MTHFS: variants seen among roughly 807,000 people sequenced by gnomAD.
MTHFS encodes the protein 5-formyltetrahydrofolate cyclo-ligase.
A neutral mutation model predicts 12.7 loss-of-function variants in MTHFS; 7 were observed. That is an observed-to-expected ratio of 0.55 (90% CI 0.31 to 1.03). The LOEUF (loss-of-function observed/expected upper bound fraction) is 1.03, where lower values mean the gene tolerates loss of function less well. MTHFS is among the 50% of genes least tolerant of loss of function. The pLI is 0.05. For synonymous variants in MTHFS, 100 were observed against 97.1 expected, an observed-to-expected ratio of 1.03 and a Z score of -0.18; for missense variants, 252 against 258.1, an observed-to-expected ratio of 0.98 and a Z score of 0.16.
At chr15:79,867,389 G>T (rs1366753791) in intron 2 of MTHFS, among the ~76,000 whole-genome samples, 1 of 151,816 alleles carries the variant, frequency 6.6e-6, no homozygotes, top group Admixed American at 6.6e-5. Context: ...AAAAAAAAGG[G>T]GGGGACATTG....
At chr15:79,880,163 G>A (rs2034272390) in intron 2 of MTHFS, among the ~76,000 whole-genome samples, 1 of 152,100 alleles carries the variant, frequency 6.6e-6, no homozygotes, top group South Asian at 2.1e-4. Context: ...TCTGCCTCCT[G>A]GGTTCACACC....
At chr15:79,880,066 T>C (rs1377999938) in intron 2 of MTHFS, among the ~76,000 whole-genome samples, 1 of 152,154 alleles carries the variant, frequency 6.6e-6, no homozygotes, top group African/African-American at 2.4e-5. Flanking sequence ...TTTATTCTGC[T>C]TTTGTTCTTT....
chr15:79,845,949 T>C (rs1331371837), intron 2 of MTHFS, among the ~76,000 whole-genome samples: 2 of 152,262 alleles, frequency 1.3e-5, no homozygotes, highest in African/African-American at 2.4e-5. Context: ...TCCCCTCCCA[T>C]TGGAGAGGCA....
At position 79,844,605 on chromosome 15, in the gene MTHFS, T is replaced by C. The variant is rs1277144003; in HGVS notation, c.*605A>G. On this transcript the variant is annotated 3_prime_UTR_variant, in exon 3 of 3. Coordinates refer to ENST00000258874, the MANE Select transcript of MTHFS (RefSeq NM_006441.4). ...AGATCTTAAACTCATCAAGGGCTGA[T>C]ACATGCAGTGATGGTAACCAATCAG... 1.3e-5 allele frequency among the ~76,000 whole-genome samples: 2 copies of C among 152,180 alleles called. No individual in the cohort carries two copies. Among genetic ancestry groups the C allele is most frequent in the Non-Finnish European group, 2.9e-5 (2 of 68,034 alleles).
At chr15:79,894,154 G>A (rs2034524241) in intron 1 of MTHFS, among the ~76,000 whole-genome samples, 2 of 152,210 alleles carry the variant, frequency 1.3e-5, no homozygotes, top group Non-Finnish European at 1.5e-5. Context: ...GGAGGCAGAG[G>A]CGGGAAGATC....
chr15:79,879,393 T>A (rs1289583505), intron 2 of MTHFS, among the ~76,000 whole-genome samples: 1 of 148,218 alleles, frequency 6.7e-6, no homozygotes, highest in Non-Finnish European at 1.5e-5. Flanking sequence ...AATGGTGTGA[T>A]CTTGGCTCAC....
chr15:79,861,406 A>G (rs2033910801), intron 2 of MTHFS, among the ~76,000 whole-genome samples: 2 of 152,134 alleles, frequency 1.3e-5, no homozygotes, highest in African/African-American at 4.8e-5. Flanking sequence ...CATGGAGGCT[A>G]CCACACAACT....
At chr15:79,891,121 G>C (rs544743219) in intron 1 of MTHFS, among the ~76,000 whole-genome samples, 1 of 152,300 alleles carries the variant, frequency 6.6e-6, no homozygotes, top group East Asian at 1.9e-4. Context: ...GTAAGACAAA[G>C]AGTGGATGGG....
chr15:79,846,486 G>A (rs1261354223), intron 2 of MTHFS, among the ~76,000 whole-genome samples: 1 of 152,216 alleles, frequency 6.6e-6, no homozygotes, highest in Non-Finnish European at 1.5e-5. Flanking sequence ...TCAGAGTAGA[G>A]AGGATCAGAC....
chr15:79,848,522 A>T (rs1029673670), intron 2 of MTHFS, among the ~76,000 whole-genome samples: 7 of 152,222 alleles, frequency 4.6e-5, no homozygotes, highest in African/African-American at 1.7e-4. Context: ...TAAAAAATTT[A>T]AAAAAGCAAA....
chr15:79,895,255 C>T (rs1372113010), intron 1 of MTHFS, among the ~76,000 whole-genome samples: 4 of 152,226 alleles, frequency 2.6e-5, no homozygotes, highest in Non-Finnish European at 5.9e-5. Context: ...TCCCTACTCA[C>T]ACTCCCCTAT....
intron 2 of MTHFS, among the ~76,000 whole-genome samples, chr15:79,849,285 A>C (rs149762591): frequency 2.8e-4 from 42 of 152,274 alleles, no homozygotes; most frequent in African/African-American, 8.7e-4. Flanking sequence ...GTTAAATCCA[A>C]GTGTTTTCCC....
Position 79,889,308 on chromosome 15 carries a change from A to G in MTHFS, c.164T>C (p.Phe55Ser). 6.2e-7 allele frequency: 1 copy of G among 1,614,180 alleles called. No homozygotes were observed. The stretch of plus-strand genomic sequence containing the variant: ...CTCAATTTCATCTTGCATGCTCAGA[A>G]AGATGGAAATTCTTTTGGACTTTTG... ...EYQKSKRISI[F>S]LSMQDEIETE... Residue 55 changes from phenylalanine to serine, a missense_variant, in exon 2 of 3, where the codon TTT becomes TCT. Transcript: ENST00000258874.
intron 2 of MTHFS, among the ~76,000 whole-genome samples, chr15:79,872,041 G>T (rs1194521148): frequency 7.0e-6 from 1 of 142,050 alleles, no homozygotes; most frequent in African/African-American, 2.6e-5. Flanking sequence ...GGAGGTGGAG[G>T]TTGCACTGAG....
intron 2 of MTHFS, among the ~76,000 whole-genome samples, chr15:79,880,694 A>C (rs111314445): frequency 4.6e-5 from 7 of 152,194 alleles, no homozygotes; most frequent in African/African-American, 9.6e-5. Context: ...CCATAAACTT[A>C]ATATGGAGAG....
At chr15:79,857,917 G>A (rs980638507) in intron 2 of MTHFS, among the ~76,000 whole-genome samples, 2 of 150,216 alleles carry the variant, frequency 1.3e-5, no homozygotes, top group African/African-American at 4.9e-5. Context: ...TCAAGAGGCT[G>A]AGACAGGAGA....
At chr15:79,880,371 C>T (rs560247326) in intron 2 of MTHFS, among the ~76,000 whole-genome samples, 9 of 152,044 alleles carry the variant, frequency 5.9e-5, no homozygotes, top group East Asian at 5.8e-4. Context: ...TGAGCCACTG[C>T]GCCCGGCCTC....
At chr15:79,869,128 C>T (rs774670691) in intron 2 of MTHFS, among the ~76,000 whole-genome samples, 14 of 152,106 alleles carry the variant, frequency 9.2e-5, no homozygotes, top group Middle Eastern at 3.4e-3. Flanking sequence ...ACAAAAGGAA[C>T]GAAAGCAGAC....
At chr15:79,864,910 G>A (rs1383498540) in intron 2 of MTHFS, among the ~76,000 whole-genome samples, 1 of 152,030 alleles carries the variant, frequency 6.6e-6, no homozygotes, top group Non-Finnish European at 1.5e-5. Flanking sequence ...TATTTTTATG[G>A]CTGGCATTTG....
Sources: allele counts gnomAD v4.1 joint callset (sites outside exome capture counted in the v4.1 genomes callset), GRCh38; gene constraint gnomAD v4.1.1; transcripts MANE v1.5; gene names NCBI Gene and HGNC (gene_info 2026-07-23, HGNC 2026-07-21).